GRID2: variants seen among roughly 807,000 people sequenced by gnomAD.
The protein encoded by GRID2 is glutamate ionotropic receptor delta type subunit 2, also known as glutamate receptor ionotropic, delta-2.
GRID2 carries 33 observed loss-of-function variants against 114.8 expected under a neutral mutation model. The observed-to-expected ratio is 0.29, with a 90% CI of 0.22 to 0.38. The LOEUF is 0.38. Ranked by LOEUF, GRID2 falls within the 10% of genes least tolerant of loss-of-function variation. The pLI is 1.00. For missense variants in GRID2, 1,184 were observed against 1,257.7 expected (o/e 0.94, Z 0.89); for synonymous variants, 505 against 449.9 (o/e 1.12, Z -1.55).
chr4:93,207,526 A>T, intron 5 of GRID2, 69 bp downstream of exon 5: 1 of 956,066 alleles, frequency 1.0e-6, no homozygotes, highest in South Asian at 1.4e-5. Context: ...AGCATTTCCA[A>T]TGGCCTTGAA....
At chr4:92,382,435 A>G (rs1228474147) in intron 1 of GRID2, among the ~76,000 whole-genome samples, 1 of 151,978 alleles carries the variant, frequency 6.6e-6, no homozygotes, top group Non-Finnish European at 1.5e-5. Context: ...AGCCTGATTA[A>G]TGTCTTTTTG....
intron 2 of GRID2, among the ~76,000 whole-genome samples, chr4:93,067,399 G>T (rs747509613): frequency 5.3e-5 from 8 of 152,018 alleles, no homozygotes; most frequent in Non-Finnish European, 1.2e-4. Flanking sequence ...AGTGCCAGCA[G>T]ATTTGGTGTC....
chr4:92,842,263 G>C (rs1341830851), intron 2 of GRID2, among the ~76,000 whole-genome samples: 2 of 152,174 alleles, frequency 1.3e-5, no homozygotes, highest in South Asian at 4.1e-4. Flanking sequence ...TATGGTATCT[G>C]TGACCACAAA....
intron 4 of GRID2, among the ~76,000 whole-genome samples, chr4:93,182,600 A>G (rs187850751): frequency 6.6e-6 from 1 of 152,342 alleles, no homozygotes; most frequent in East Asian, 1.9e-4. Context: ...AATAGTTTTT[A>G]AAACATGCCT....
chr4:93,140,305 C>A (rs895906882), intron 4 of GRID2, among the ~76,000 whole-genome samples: 1 of 151,778 alleles, frequency 6.6e-6, no homozygotes, highest in Admixed American at 6.6e-5. Flanking sequence ...ACTACAGGCG[C>A]CCACCACTAC....
chr4:92,825,755 C>T (rs147870487), intron 2 of GRID2, among the ~76,000 whole-genome samples: 147 of 152,180 alleles, frequency 9.7e-4, no homozygotes, highest in African/African-American at 3.4e-3. Context: ...CCAAGGCAGC[C>T]CATATGCAGG....
chr4:93,467,728 T>C (rs1468365673), intron 11 of GRID2, among the ~76,000 whole-genome samples: 1 of 152,242 alleles, frequency 6.6e-6, no homozygotes, highest in African/African-American at 2.4e-5. Flanking sequence ...AGTGTGGCAC[T>C]GCTTAATAAA....
intron 4 of GRID2, among the ~76,000 whole-genome samples, chr4:93,204,461 T>C (rs1055543821): frequency 3.9e-5 from 6 of 152,184 alleles, no homozygotes; most frequent in African/African-American, 1.4e-4. Flanking sequence ...AACAAATTTA[T>C]ACTGCTAAAA....
At chr4:93,508,022 TG>T (rs1216825360) in intron 12 of GRID2, among the ~76,000 whole-genome samples, 4 of 151,426 alleles carry the variant, frequency 2.6e-5, no homozygotes, top group Non-Finnish European at 4.4e-5. Flanking sequence ...GTGGGGGAAT[TG>T]GGAGGGATAG....
chr4:93,296,966 T>C (rs1467206335), intron 8 of GRID2, among the ~76,000 whole-genome samples: 1 of 152,166 alleles, frequency 6.6e-6, no homozygotes. Context: ...TACTTTACTA[T>C]TACATTCTTT....
intron 2 of GRID2, among the ~76,000 whole-genome samples, chr4:93,046,777 C>T (rs567183353): frequency 1.3e-3 from 193 of 151,884 alleles, no homozygotes; most frequent in African/African-American, 4.5e-3. Context: ...GCTTTTATGC[C>T]TTATGTCTTG....
chr4:92,547,450 CTT>C (rs562844987), intron 1 of GRID2, among the ~76,000 whole-genome samples: 53 of 152,188 alleles, frequency 3.5e-4, no homozygotes, highest in Non-Finnish European at 6.5e-4. Context: ...TTGGAACAAA[CTT>C]AGTGAGATTT....
intron 1 of GRID2, among the ~76,000 whole-genome samples, chr4:92,309,241 A>C (rs1046685942): frequency 6.6e-6 from 1 of 152,034 alleles, no homozygotes; most frequent in Non-Finnish European, 1.5e-5. Flanking sequence ...TAATTTTATC[A>C]TATGGTAATT....
intron 2 of GRID2, among the ~76,000 whole-genome samples, chr4:92,758,914 G>A (rs1362088861): frequency 6.6e-6 from 1 of 152,064 alleles, no homozygotes; most frequent in Non-Finnish European, 1.5e-5. Flanking sequence ...GAGCAGCAAA[G>A]GTTTGGGAAA....
intron 13 of GRID2, among the ~76,000 whole-genome samples, chr4:93,535,454 T>A (rs987022716): frequency 6.6e-6 from 1 of 152,046 alleles, no homozygotes; most frequent in East Asian, 1.9e-4. Flanking sequence ...TCATTTTTAA[T>A]TTTTCATGGA....
chr4:93,500,868 A>C (rs1728027168), intron 12 of GRID2, among the ~76,000 whole-genome samples: 1 of 152,012 alleles, frequency 6.6e-6, no homozygotes, highest in South Asian at 2.1e-4. Flanking sequence ...ACACAGCTCA[A>C]ATACTCAAAT....
At chr4:92,374,257 C>A (rs575542664) in intron 1 of GRID2, among the ~76,000 whole-genome samples, 8 of 152,248 alleles carry the variant, frequency 5.3e-5, no homozygotes, top group Non-Finnish European at 1.2e-4. Flanking sequence ...GCTTTCCCTG[C>A]AAAGAAGAAC....
chr4:93,297,270 A>C (rs544415366), intron 8 of GRID2, among the ~76,000 whole-genome samples: 1 of 152,354 alleles, frequency 6.6e-6, no homozygotes, highest in East Asian at 1.9e-4. Context: ...TTGATGAATG[A>C]ATAAGTAAAT....
chr4:93,161,658 G>T (rs1737693248), intron 4 of GRID2, among the ~76,000 whole-genome samples: 1 of 151,410 alleles, frequency 6.6e-6, no homozygotes, highest in African/African-American at 2.4e-5. Context: ...GATTTTCAGG[G>T]TAAAAAAAAT....
Sources: gnomAD v4.1 joint callset for allele counts (sites outside exome capture counted in the v4.1 genomes callset) on GRCh38, gnomAD v4.1.1 for gene constraint, MANE v1.5 for transcripts, NCBI Gene and HGNC (gene_info 2026-07-23, HGNC 2026-07-21) for gene names.